The following KCNQ3 variants were observed in gnomAD, a reference collection of about 807,000 sequenced individuals.
KCNQ3 encodes the protein potassium voltage-gated channel subfamily Q member 3, also known as potassium voltage-gated channel subfamily KQT member 3.
Under a neutral mutation model 92.5 loss-of-function variants are expected in KCNQ3, and 30 were observed. That is an observed-to-expected ratio of 0.32 (90% confidence interval 0.24 to 0.44). The LOEUF is 0.44. KCNQ3 is among the 20% of genes least tolerant of loss of function. The pLI is 1.00. For missense variants in KCNQ3, 913 were observed against 1,140.3 expected, an observed-to-expected ratio of 0.80 and a Z score of 2.87; for synonymous variants, 450 against 468.8, an observed-to-expected ratio of 0.96 and a Z score of 0.52.
At chr8:132,334,310 T>C (rs1368850609) in intron 1 of KCNQ3, among the ~76,000 whole-genome samples, 1 of 151,732 alleles carries the variant, frequency 6.6e-6, no homozygotes. Context: ...TTGTCTCTAC[T>C]AAAAATACAA....
chr8:132,163,417 T>G (rs1325903502), intron 9 of KCNQ3, 51 bp downstream of exon 9: 1 of 1,515,346 alleles, frequency 6.6e-7, no homozygotes, highest in East Asian at 2.3e-5. Flanking sequence ...AGCAGGATGC[T>G]CTGTCTTGAC....
At chr8:132,437,691 C>A (rs933760613) in intron 1 of KCNQ3, among the ~76,000 whole-genome samples, 1 of 152,192 alleles carries the variant, frequency 6.6e-6, no homozygotes, top group African/African-American at 2.4e-5. Context: ...TTCTCATGCA[C>A]CGTATTTTCA....
intron 12 of KCNQ3, among the ~76,000 whole-genome samples, chr8:132,137,013 C>G (rs771329417): frequency 2.0e-5 from 3 of 147,590 alleles, no homozygotes; most frequent in African/African-American, 5.0e-5. Context: ...TACAGGCGTG[C>G]ACCACCATGC....
chr8:132,339,988 G>A (rs925678974), intron 1 of KCNQ3, among the ~76,000 whole-genome samples: 2 of 151,750 alleles, frequency 1.3e-5, no homozygotes, highest in Non-Finnish European at 2.9e-5. Context: ...CAAAAAGTTA[G>A]ATAAGGAGTT....
chr8:132,458,725 G>A (rs1471841496), intron 1 of KCNQ3, among the ~76,000 whole-genome samples: 1 of 152,210 alleles, frequency 6.6e-6, no homozygotes, highest in Non-Finnish European at 1.5e-5. Flanking sequence ...AAAGTGCTGG[G>A]ATTATAGGCA....
intron 1 of KCNQ3, among the ~76,000 whole-genome samples, chr8:132,262,145 T>G (rs1477815608): frequency 6.6e-6 from 1 of 152,216 alleles, no homozygotes; most frequent in African/African-American, 2.4e-5. Flanking sequence ...TATGATATGA[T>G]AGCATCTATG....
intron 1 of KCNQ3, among the ~76,000 whole-genome samples, chr8:132,348,228 G>A (rs1342813274): frequency 6.6e-6 from 1 of 152,114 alleles, no homozygotes; most frequent in Non-Finnish European, 1.5e-5. Flanking sequence ...AATGCTGCCA[G>A]GATCATAAGC....
chr8:132,237,232 G>C (rs1015983928), intron 1 of KCNQ3, among the ~76,000 whole-genome samples: 1 of 152,124 alleles, frequency 6.6e-6, no homozygotes, highest in Non-Finnish European at 1.5e-5. Context: ...ATGACACATG[G>C]AGACTGGATA....
At chr8:132,136,143 A>T (rs923559547) in intron 12 of KCNQ3, among the ~76,000 whole-genome samples, 1 of 149,640 alleles carries the variant, frequency 6.7e-6, no homozygotes, top group Non-Finnish European at 1.5e-5. Flanking sequence ...AAAAAAAAAA[A>T]AAAGAAAAGA....
intron 1 of KCNQ3, among the ~76,000 whole-genome samples, chr8:132,231,878 G>T (rs1053021518): frequency 6.6e-6 from 1 of 152,150 alleles, no homozygotes; most frequent in East Asian, 1.9e-4. Flanking sequence ...ATAGTTGTAC[G>T]ACAGTTCTAA....
At chr8:132,265,707 C>T (rs1016421694) in intron 1 of KCNQ3, among the ~76,000 whole-genome samples, 1 of 152,150 alleles carries the variant, frequency 6.6e-6, no homozygotes, top group Non-Finnish European at 1.5e-5. Context: ...CAAGGCTGGC[C>T]CCTGTGTCTA....
chr8:132,183,180 A>G (rs1826847659), intron 3 of KCNQ3, among the ~76,000 whole-genome samples: 1 of 152,208 alleles, frequency 6.6e-6, no homozygotes, highest in Admixed American at 6.5e-5. Context: ...GCATGCTCAG[A>G]GGAGAGGGAG....
intron 1 of KCNQ3, among the ~76,000 whole-genome samples, chr8:132,477,959 G>A (rs773957460): frequency 6.6e-6 from 1 of 152,088 alleles, no homozygotes; most frequent in Non-Finnish European, 1.5e-5. Flanking sequence ...GTGTGATCGC[G>A]GACAAGTGAT....
chr8:132,258,876 T>C (rs769015882), intron 1 of KCNQ3, among the ~76,000 whole-genome samples: 2 of 152,054 alleles, frequency 1.3e-5, no homozygotes, highest in East Asian at 1.9e-4. Context: ...CTATGAATAA[T>C]TGTATGTCAA....
At chr8:132,203,926 C>T (rs1827538881) in intron 1 of KCNQ3, among the ~76,000 whole-genome samples, 4 of 152,202 alleles carry the variant, frequency 2.6e-5, no homozygotes. Context: ...TATTACAATA[C>T]ATTTGGATTT....
At chr8:132,414,803 C>T (rs1243604318) in intron 1 of KCNQ3, among the ~76,000 whole-genome samples, 1 of 152,218 alleles carries the variant, frequency 6.6e-6, no homozygotes, top group Non-Finnish European at 1.5e-5. Flanking sequence ...CCTCATTTCA[C>T]AAGGAATTTG....
intron 1 of KCNQ3, among the ~76,000 whole-genome samples, chr8:132,448,931 TGA>T (rs1191090839): frequency 6.6e-6 from 1 of 152,192 alleles, no homozygotes; most frequent in Non-Finnish European, 1.5e-5. Context: ...CGAAGGCTCC[TGA>T]GAGAGAAAAA....
chr8:132,444,772 C>G (rs1239232180), intron 1 of KCNQ3, among the ~76,000 whole-genome samples: 1 of 152,172 alleles, frequency 6.6e-6, no homozygotes, highest in Non-Finnish European at 1.5e-5. Context: ...TGGCATTGGA[C>G]TTTGACTGAA....
chr8:132,436,219 A>G (rs1821391010), intron 1 of KCNQ3, among the ~76,000 whole-genome samples: 1 of 152,224 alleles, frequency 6.6e-6, no homozygotes, highest in South Asian at 2.1e-4. Context: ...ATAAAATTGT[A>G]AATACTTAGG....
Sources: allele counts gnomAD v4.1 joint callset (sites outside exome capture counted in the v4.1 genomes callset), GRCh38; gene constraint gnomAD v4.1.1; transcripts MANE v1.5; gene names NCBI Gene and HGNC (gene_info 2026-07-23, HGNC 2026-07-21).